BTBD2: variants seen among roughly 807,000 people sequenced by gnomAD.
BTBD2 encodes BTB domain containing 2, also known as BTB/POZ domain-containing protein 2.
A neutral mutation model predicts 44.0 loss-of-function variants in BTBD2; 15 were observed. The observed-to-expected ratio is 0.34, with a 90% CI of 0.23 to 0.53. BTBD2 has a LOEUF of 0.53. Among genes scored for constraint, BTBD2 ranks in the 20% least tolerant of loss-of-function variants. The pLI, the probability that BTBD2 is intolerant of heterozygous loss-of-function variation, is 0.95. For synonymous variants in BTBD2, 443 were observed against 335.9 expected (o/e 1.32, Z -3.49); for missense variants, 657 against 746.4 (o/e 0.88, Z 1.39).
rs545882782 is a variant in BTBD2 at position 1,986,239 on chromosome 19, C to G, written c.*249G>C. On this transcript the variant is annotated 3_prime_UTR_variant, in exon 9 of 9. Coordinates refer to ENST00000255608, the MANE Select transcript of BTBD2 (RefSeq NM_017797.4). ...GGCCGGCACAGCCCTGTCCCTAGTC[C>G]TGAGGGATTGTCTCCACAGGGCCTG... 1.6e-4 allele frequency: 87 copies of G among 549,902 alleles called. No individual in the cohort carries two copies. The highest frequency in any genetic ancestry group is 1.5e-3 in the African/African-American group (79 of 52,874). The allele number at this position is 549,902 out of a possible 1,614,324, so 34.1% of individuals were successfully genotyped here.
chr19:2,000,012 C>T (rs987753168), intron 1 of BTBD2, among the ~76,000 whole-genome samples: 1 of 151,846 alleles, frequency 6.6e-6, no homozygotes, highest in African/African-American at 2.4e-5. Context: ...ACAGAGTGGG[C>T]GGCCGCATGA....
intron 3 of BTBD2, chr19:1,991,314 A>G (rs1255401449): frequency 6.2e-6 from 1 of 162,280 alleles, no homozygotes; most frequent in Non-Finnish European, 1.3e-5. Flanking sequence ...GTCAGGTGAC[A>G]GAGCTGGAGG....
intron 1 of BTBD2, among the ~76,000 whole-genome samples, chr19:2,002,074 T>C (rs985369079): frequency 2.6e-5 from 4 of 152,040 alleles, no homozygotes; most frequent in Non-Finnish European, 5.9e-5. Flanking sequence ...CATTTATTTT[T>C]ATTTCATTTT....
At chr19:1,990,275 G>C in intron 4 of BTBD2, 74 bp from the exon 5 acceptor site, 11 of 1,485,868 alleles carry the variant, frequency 7.4e-6, no homozygotes, top group Admixed American at 4.0e-5. Context: ...TGAGACTAAC[G>C]TGAGGACCAG....
chr19:1,998,740 T>C (rs1259828897), intron 1 of BTBD2, among the ~76,000 whole-genome samples: 1 of 152,044 alleles, frequency 6.6e-6, no homozygotes, highest in Admixed American at 6.5e-5. Flanking sequence ...CACGATGGCC[T>C]CCCAGGGGGC....
rs75450732 is a variant in BTBD2, at chr19:1,987,688, G to C, written c.993C>G (p.Pro331=). 5.0e-6 allele frequency: 8 copies of C among 1,594,142 alleles called. No homozygotes were observed. In the African/African-American group the frequency reaches 8.0e-5, roughly 16 times the overall value. Residue 331 remains proline, a synonymous_variant, in exon 6 of 9, where the codon CCC becomes CCG. Coordinates refer to ENST00000255608, the MANE Select transcript of BTBD2 (RefSeq NM_017797.4). ...GGTCCACCAGGATGCCCGACTGTGC[G>C]GGACCTGCAGCACAGGGAGGGTGTG... ...LMTIEEFAAG[P]AQSGILVDRE...
Position 1,990,020 on chromosome 19 carries a change from G to A in BTBD2, c.972C>T (p.Ile324=), listed in dbSNP as rs781043832. 53 of 1,613,212 alleles carry A rather than the reference G, an allele frequency of 3.3e-5. No homozygotes were observed. The highest frequency in any genetic ancestry group is 3.7e-5 in the Non-Finnish European group (44 of 1,180,028). Residue 324 remains isoleucine, a synonymous_variant, in exon 5 of 9, where the codon ATC becomes ATT. Transcript: ENST00000255608. The part of the protein sequence containing the change: ...LGLIRFPLMT[I]EEFAAGPAQS... ...CTCTGTTACCTGCAGCGAACTCCTC[G>A]ATGGTCATGAGCGGGAAGCGAATGA...
At chr19:1,992,615 A>G (rs2016194569) in intron 3 of BTBD2, among the ~76,000 whole-genome samples, 1 of 151,862 alleles carries the variant, frequency 6.6e-6, no homozygotes, top group Admixed American at 6.6e-5. Context: ...TCTGTCATGC[A>G]CGCTGGAGTG....
chr19:2,004,227 T>C (rs1224819734), intron 1 of BTBD2, among the ~76,000 whole-genome samples: 1 of 151,788 alleles, frequency 6.6e-6, no homozygotes, highest in African/African-American at 2.4e-5. Flanking sequence ...CCTGGGAACA[T>C]ACCGTCAGGA....
intron 4 of BTBD2, chr19:1,990,458 C>T: frequency 1.6e-6 from 1 of 610,594 alleles, no homozygotes. Flanking sequence ...TGTTCAACAG[C>T]AAAGTCAAAG....
chr19:2,002,373 G>A (rs188833453), intron 1 of BTBD2, among the ~76,000 whole-genome samples: 14 of 151,822 alleles, frequency 9.2e-5, no homozygotes, highest in Non-Finnish European at 1.6e-4. Context: ...ACTGATAACT[G>A]TATTTCTCGA....
chr19:2,006,347 G>A (rs2016393957), intron 1 of BTBD2, among the ~76,000 whole-genome samples: 1 of 151,892 alleles, frequency 6.6e-6, no homozygotes. Flanking sequence ...AACCTAATAA[G>A]GCTTCAGGAA....
rs2145612358 is a variant in BTBD2 at position 1,985,758 on chromosome 19, G to A, written c.*730C>T. ...GGCACAGGGTCTGAGTCCCATCTTGGGCTGCAGGGACCGCGAGGGCCGTCC... is the reference window on the plus strand; with the variant it reads ...GGCACAGGGTCTGAGTCCCATCTTGAGCTGCAGGGACCGCGAGGGCCGTCC... On this transcript the variant is annotated 3_prime_UTR_variant, in exon 9 of 9. Transcript: ENST00000255608. The A allele has an allele frequency of 6.6e-6, 1 of 152,630 alleles. No homozygotes were observed. Among genetic ancestry groups the A allele is most frequent in the East Asian group, 1.9e-4 (1 of 5,188 alleles). The allele number at this position is 152,630 out of a possible 1,614,324, so 9.5% of individuals were successfully genotyped here.
chr19:1,986,340 C>T lies in BTBD2; in HGVS notation c.*148G>A. The stretch of plus-strand genomic sequence containing the variant: ...GTGGTGAACACAGGGCAACCCCGTC[C>T]TGATGCTGAGAAAGGTGGCATGGAG... On this transcript the variant is annotated 3_prime_UTR_variant, in exon 9 of 9. Transcript: ENST00000255608. 1 of 1,038,156 alleles carries T rather than the reference C, an allele frequency of 9.6e-7. No homozygotes were observed. The highest frequency in any genetic ancestry group is 1.4e-6 in the Non-Finnish European group (1 of 703,182). The allele number at this position is 1,038,156 out of a possible 1,614,324, so 64.3% of individuals were successfully genotyped here. A position where few individuals can be genotyped will look rare whatever the true frequency, so the allele number is the denominator to read the frequency against.
Position 1,987,202 on chromosome 19 carries a change from G to A in BTBD2, c.1233C>T (p.Ser411=), listed in dbSNP as rs1475179204. The A allele has an allele frequency of 6.2e-7, 1 of 1,613,696 alleles. No individual in the cohort carries two copies. Among genetic ancestry groups the A allele is most frequent in the East Asian group, 2.2e-5 (1 of 44,868 alleles). The change falls in exon 7 of 9, where the codon TCC becomes TCT. Residue 411 remains serine, a synonymous_variant. Transcript: ENST00000255608. ...CTTGGTAGTCGGTGGGCCCGTGGAT[G>A]GATCCATACAGCCCAAATCCCACCA... The part of the protein sequence containing the change: ...IFVVGFGLYG[S]IHGPTDYQVN...
intron 1 of BTBD2, among the ~76,000 whole-genome samples, chr19:2,000,792 G>A (rs187134598): frequency 7.2e-5 from 11 of 152,292 alleles, no homozygotes; most frequent in African/African-American, 2.4e-4. Flanking sequence ...GAAACAACCA[G>A]CGTCCATTGA....
At position 1,987,661 on chromosome 19, in the gene BTBD2, G is replaced by A. The variant is rs778247704; in HGVS notation, c.1020C>T (p.Arg340=). The change falls in exon 6 of 9, where the codon CGC becomes CGT. Residue 340 remains arginine (R), a synonymous_variant. Transcript: ENST00000255608. ...GPAQSGILVD[R]EVVSLFLHFT... ...AGTGCAGGAAGAGGCTGACCACCTC[G>A]CGGTCCACCAGGATGCCCGACTGTG... 9.9e-6 allele frequency: 16 copies of A among 1,609,266 alleles called. No homozygotes were observed. The highest frequency in any genetic ancestry group is 5.5e-5 in the South Asian group (5 of 90,626).
intron 4 of BTBD2, 86 bp from the exon 5 acceptor site, chr19:1,990,287 A>C (rs945220518): frequency 6.9e-7 from 1 of 1,452,526 alleles, no homozygotes; most frequent in Non-Finnish European, 9.3e-7. Context: ...GAGGACCAGC[A>C]GTTAAAGCCG....
intron 4 of BTBD2, 21 bp from the exon 5 acceptor site, chr19:1,990,222 C>T: frequency 6.4e-7 from 1 of 1,573,878 alleles, no homozygotes. Flanking sequence ...GAGGAAGGGG[C>T]TGCGTGAACA....
Sources: allele counts gnomAD v4.1 joint callset (sites outside exome capture counted in the v4.1 genomes callset), GRCh38; gene constraint gnomAD v4.1.1; transcripts MANE v1.5; gene names NCBI Gene and HGNC (gene_info 2026-07-23, HGNC 2026-07-21).